RBM46: variants seen among roughly 807,000 people sequenced by gnomAD.
RBM46 encodes the protein RNA binding motif protein 46.
In RBM46, 12 loss-of-function variants were observed where a neutral mutation model predicts 43.3. The observed-to-expected ratio is 0.28, with a 90% confidence interval of 0.18 to 0.45. The LOEUF is 0.45. Ranked by LOEUF, RBM46 falls within the 20% of genes least tolerant of loss-of-function variation. The pLI, the probability that RBM46 is intolerant of heterozygous loss-of-function variation, is 1.00. For synonymous variants in RBM46, 205 were observed against 207.6 expected (o/e 0.99, Z 0.11); for missense variants, 412 against 639.1 (o/e 0.64, Z 3.83).
intron 4 of RBM46, among the ~76,000 whole-genome samples, chr4:154,813,553 T>A (rs985736773): frequency 6.6e-6 from 1 of 152,100 alleles, no homozygotes; most frequent in African/African-American, 2.4e-5. Flanking sequence ...GTGCAATTTT[T>A]AAATTTCTTT....
At chr4:154,817,077 T>G (rs755680324) in intron 4 of RBM46, among the ~76,000 whole-genome samples, 10 of 152,122 alleles carry the variant, frequency 6.6e-5, no homozygotes, top group Non-Finnish European at 1.3e-4. Context: ...CATTTGTTTT[T>G]TTTAGGATTT....
At chr4:154,787,586 A>G (rs910685404) in intron 1 of RBM46, among the ~76,000 whole-genome samples, 23 of 152,152 alleles carry the variant, frequency 1.5e-4, no homozygotes, top group Admixed American at 2.6e-4. Flanking sequence ...TCTATCATTG[A>G]TGGACATTGG....
At chr4:154,823,349 G>GA (rs561308622) in intron 4 of RBM46, among the ~76,000 whole-genome samples, 31 of 151,956 alleles carry the variant, frequency 2.0e-4, no homozygotes, top group Middle Eastern at 3.4e-3. Flanking sequence ...TTGTACATGT[G>GA]ATAAAAATCA....
intron 4 of RBM46, among the ~76,000 whole-genome samples, chr4:154,814,142 A>G (rs1209790674): frequency 6.6e-6 from 1 of 151,982 alleles, no homozygotes; most frequent in Non-Finnish European, 1.5e-5. Context: ...TTATTCCTGC[A>G]TAACTTATAG....
At chr4:154,814,027 A>G (rs1210593987) in intron 4 of RBM46, among the ~76,000 whole-genome samples, 2 of 152,058 alleles carry the variant, frequency 1.3e-5, no homozygotes, top group Admixed American at 6.5e-5. Flanking sequence ...ACTTCATCAC[A>G]TCTTTGTAGA....
rs1472463404 is a variant in RBM46, at chr4:154,828,615, TATAG to T, written c.*552_*555del. On this transcript the variant is annotated 3_prime_UTR_variant, in exon 5 of 5. Coordinates refer to ENST00000281722, the MANE Select transcript of RBM46 (RefSeq NM_144979.5). ...TACCATTGTGGTCCTTGAAAATAACTATAGATATTTTTGTTATTTGTTAGACACA... is the reference window on the plus strand; with the variant it reads ...TACCATTGTGGTCCTTGAAAATAACTATATTTTTGTTATTTGTTAGACACA... The T allele has an allele frequency of 6.5e-6, 1 of 152,672 alleles. No homozygotes were observed. The highest frequency in any genetic ancestry group is 2.4e-5 in the African/African-American group (1 of 41,444). 9.5% of individuals were successfully genotyped at this position (152,672 alleles called of 1,614,324 possible).
At chr4:154,781,889 C>T (rs997722757) in intron 1 of RBM46, 2 of 152,274 alleles carry the variant, frequency 1.3e-5, no homozygotes, top group Admixed American at 6.5e-5. Flanking sequence ...GTCCGCGCGT[C>T]CCCTGGAGGC....
At chr4:154,827,051 G>A in intron 4 of RBM46, 1 of 1,185,616 alleles carries the variant, frequency 8.4e-7, no homozygotes, top group African/African-American at 1.6e-5. Flanking sequence ...GTTTTTGGAA[G>A]GTACAGGATT....
chr4:154,821,541 T>C (rs1735723347), intron 4 of RBM46, among the ~76,000 whole-genome samples: 1 of 151,794 alleles, frequency 6.6e-6, no homozygotes, highest in African/African-American at 2.4e-5. Context: ...TATCTCTTAA[T>C]ACAAAGGTAG....
intron 4 of RBM46, among the ~76,000 whole-genome samples, chr4:154,806,541 A>G (rs570192450): frequency 1.3e-5 from 2 of 151,942 alleles, no homozygotes; most frequent in East Asian, 3.9e-4. Flanking sequence ...TTTGAGTACA[A>G]GTAGTTTAAA....
intron 1 of RBM46, among the ~76,000 whole-genome samples, chr4:154,796,440 T>C (rs1472361170): frequency 9.2e-5 from 14 of 152,254 alleles, no homozygotes; most frequent in Admixed American, 9.2e-4. Context: ...GCTTTCCTTT[T>C]TCTTCTCTTT....
At chr4:154,796,979 A>G in intron 2 of RBM46, 76 bp downstream of exon 2, 2 of 1,216,676 alleles carry the variant, frequency 1.6e-6, no homozygotes, top group Non-Finnish European at 2.3e-6. Context: ...CCCCACAAGT[A>G]TTCCAAACAA....
intron 4 of RBM46, among the ~76,000 whole-genome samples, chr4:154,822,193 A>G (rs1221360879): frequency 6.6e-6 from 1 of 151,764 alleles, no homozygotes; most frequent in Non-Finnish European, 1.5e-5. Context: ...TGACACCACA[A>G]TTAAGAAAAC....
intron 1 of RBM46, among the ~76,000 whole-genome samples, chr4:154,794,553 G>A (rs947370400): frequency 1.3e-5 from 2 of 152,074 alleles, no homozygotes; most frequent in African/African-American, 4.8e-5. Flanking sequence ...CCTGTTACTT[G>A]TATGCTCAGA....
At chr4:154,791,622 G>T (rs1358363940) in intron 1 of RBM46, among the ~76,000 whole-genome samples, 2 of 152,116 alleles carry the variant, frequency 1.3e-5, no homozygotes, top group Non-Finnish European at 2.9e-5. Flanking sequence ...AGATCGAAAT[G>T]TGAAAGTTAA....
intron 1 of RBM46, chr4:154,787,245 G>C (rs1242624499): frequency 6.6e-6 from 1 of 151,722 alleles, no homozygotes; most frequent in Non-Finnish European, 1.5e-5. Flanking sequence ...ACAATGTGCA[G>C]GTTTGTTACA....
At chr4:154,790,839 G>T (rs949064441) in intron 1 of RBM46, among the ~76,000 whole-genome samples, 2 of 152,156 alleles carry the variant, frequency 1.3e-5, no homozygotes, top group Non-Finnish European at 2.9e-5. Context: ...GGAAGAACTG[G>T]CAGGTTGAAT....
At chr4:154,788,299 C>T (rs915573075) in intron 1 of RBM46, among the ~76,000 whole-genome samples, 23 of 152,098 alleles carry the variant, frequency 1.5e-4, no homozygotes, top group African/African-American at 5.3e-4. Flanking sequence ...AGGTTTTCTT[C>T]TAGGGTTTTT....
chr4:154,826,647 T>C (rs1362186146), intron 4 of RBM46: 12 of 636,412 alleles, frequency 1.9e-5, no homozygotes, highest in Non-Finnish European at 3.0e-5. Context: ...GTTGATCTTA[T>C]GGTACCATTC....
Sources: gnomAD v4.1 joint callset for allele counts (sites outside exome capture counted in the v4.1 genomes callset) on GRCh38, gnomAD v4.1.1 for gene constraint, MANE v1.5 for transcripts, NCBI Gene and HGNC (gene_info 2026-07-23, HGNC 2026-07-21) for gene names.